The following COL18A1 variants were observed in gnomAD, a reference collection of about 807,000 sequenced individuals.
COL18A1 encodes collagen type XVIII alpha 1 chain.
A neutral mutation model predicts 168.0 loss-of-function variants in COL18A1; 133 were observed. The observed-to-expected ratio is 0.79, with a 90% CI of 0.69 to 0.91. The LOEUF (loss-of-function observed/expected upper bound fraction) is 0.91. Ranked by LOEUF, COL18A1 falls within the 40% of genes least tolerant of loss-of-function variation. The pLI, the probability that COL18A1 is intolerant of heterozygous loss-of-function variation, is 0.00. For synonymous variants in COL18A1, 949 were observed against 809.0 expected, an observed-to-expected ratio of 1.17 and a Z score of -2.94; for missense variants, 2,126 against 1,925.4, an observed-to-expected ratio of 1.10 and a Z score of -1.95.
At chr21:45,453,157 G>T (rs1253967868) in intron 2 of COL18A1, among the ~76,000 whole-genome samples, 1 of 151,854 alleles carries the variant, frequency 6.6e-6, no homozygotes, top group Non-Finnish European at 1.5e-5. Context: ...TGTGACATGT[G>T]TGAGCATGTA....
At position 45,409,064 on chromosome 21, in the gene COL18A1, C is replaced by T. The variant is rs369506111; in HGVS notation, c.106+3591C>T. 1.3e-3 allele frequency among the ~76,000 whole-genome samples: 48 copies of T among 35,976 alleles called. 2 individuals are homozygous for T. Among genetic ancestry groups the T allele is most frequent in the Middle Eastern group, 0.019 (1 of 52 alleles). 23.6% of individuals were successfully genotyped at this position (35,976 alleles called of 152,430 possible). Reference sequence around the variant, plus strand: ...TGTGGCTGTGTCTGGAGGGGCTGGCCATGGCCCTCACCCCACCCCCGGCAT... The same window carrying T: ...TGTGGCTGTGTCTGGAGGGGCTGGCTATGGCCCTCACCCCACCCCCGGCAT... On this transcript the variant is annotated intron_variant, in intron 2 of 41. Coordinates refer to ENST00000651438, the MANE Select transcript of COL18A1 (RefSeq NM_001379500.1).
At chr21:45,439,867 G>A (rs977664586) in intron 2 of COL18A1, among the ~76,000 whole-genome samples, 5 of 152,250 alleles carry the variant, frequency 3.3e-5, no homozygotes, top group East Asian at 1.9e-4. Flanking sequence ...TACAGTCTCC[G>A]GCTGTGAATG....
chr21:45,495,103 G>A, intron 28 of COL18A1, 188 bp downstream of exon 28: 1 of 659,878 alleles, frequency 1.5e-6, no homozygotes, highest in Non-Finnish European at 2.7e-6. Context: ...CCCACGAGGG[G>A]CCAGTACCCA....
intron 33 of COL18A1, 76 bp downstream of exon 33, chr21:45,504,130 G>A (rs568117850): frequency 5.3e-5 from 80 of 1,505,952 alleles, no homozygotes; most frequent in East Asian, 2.0e-4. Flanking sequence ...CCAATTTCTC[G>A]CCCCATCCGG....
intron 2 of COL18A1, among the ~76,000 whole-genome samples, chr21:45,414,628 G>A (rs931933339): frequency 6.6e-6 from 1 of 152,230 alleles, no homozygotes; most frequent in Admixed American, 6.5e-5. Context: ...CGGGCATGTG[G>A]CCTGAGGGCC....
intron 3 of COL18A1, among the ~76,000 whole-genome samples, chr21:45,470,385 A>G (rs2035366031): frequency 1.4e-5 from 2 of 139,264 alleles, no homozygotes; most frequent in Non-Finnish European, 3.1e-5. Context: ...TGCATGCTGC[A>G]GATTTTATTT....
chr21:45,444,539 T>C (rs2034464072), intron 2 of COL18A1, among the ~76,000 whole-genome samples: 1 of 152,218 alleles, frequency 6.6e-6, no homozygotes, highest in African/African-American at 2.4e-5. Flanking sequence ...TGGAGGGTGG[T>C]TCCACAGTGC....
chr21:45,439,998 C>T (rs1206572946), intron 2 of COL18A1, among the ~76,000 whole-genome samples: 6 of 152,256 alleles, frequency 3.9e-5, no homozygotes, highest in African/African-American at 1.4e-4. Flanking sequence ...CCTCCCACCC[C>T]TTCTGTGGGG....
intron 2 of COL18A1, among the ~76,000 whole-genome samples, chr21:45,432,022 C>A (rs531109311): frequency 6.6e-6 from 1 of 152,324 alleles, no homozygotes; most frequent in South Asian, 2.1e-4. Flanking sequence ...CATGGAGACC[C>A]TCCCACAGCT....
At chr21:45,493,404 C>G (rs1029963707) in intron 25 of COL18A1, 97 bp from the exon 26 acceptor site, 2 of 1,319,222 alleles carry the variant, frequency 1.5e-6, no homozygotes, top group Non-Finnish European at 2.1e-6. Flanking sequence ...ACCCAGCCTG[C>G]GAGGCCCAGT....
intron 39 of COL18A1, 43 bp from the exon 40 acceptor site, chr21:45,510,021 G>A (rs752899480): frequency 2.0e-5 from 30 of 1,533,248 alleles, no homozygotes; most frequent in Admixed American, 9.8e-5. Flanking sequence ...GGGTGCAGGG[G>A]GCAGCGTGGG....
chr21:45,460,946 C>G lies in COL18A1; in HGVS notation c.107-7296C>G, dbSNP rs541059007. 1.9e-3 allele frequency among the ~76,000 whole-genome samples: 284 copies of G among 152,286 alleles called. 2 individuals are homozygous for G. Among genetic ancestry groups the G allele is most frequent in the African/African-American group, 6.3e-3 (260 of 41,552 alleles). ...AACTAAGCACAGACAGAATGAAAAGCACAGCACTCCAAACAGGGCTTCCTG... is the reference window on the plus strand; with the variant it reads ...AACTAAGCACAGACAGAATGAAAAGGACAGCACTCCAAACAGGGCTTCCTG... On this transcript the variant is annotated intron_variant, in intron 2 of 41. Coordinates refer to ENST00000651438, the MANE Select transcript of COL18A1 (RefSeq NM_001379500.1).
intron 2 of COL18A1, among the ~76,000 whole-genome samples, chr21:45,441,769 C>T (rs1436605586): frequency 6.6e-6 from 1 of 152,260 alleles, no homozygotes; most frequent in East Asian, 1.9e-4. Context: ...CTCAGACGCC[C>T]ACCTCTGATA....
chr21:45,418,951 G>C (rs1257176616), intron 2 of COL18A1, among the ~76,000 whole-genome samples: 1 of 152,238 alleles, frequency 6.6e-6, no homozygotes, highest in Non-Finnish European at 1.5e-5. Context: ...CCATGGGGCA[G>C]ACAGTGCCAT....
chr21:45,434,321 C>T (rs139160226), intron 2 of COL18A1, among the ~76,000 whole-genome samples: 29 of 152,270 alleles, frequency 1.9e-4, no homozygotes, highest in Non-Finnish European at 3.5e-4. Context: ...CGTGCTGGGA[C>T]GGGCGCAGGA....
intron 39 of COL18A1, 47 bp from the exon 40 acceptor site, chr21:45,510,017 A>AG (rs1228914060): frequency 2.6e-6 from 4 of 1,529,556 alleles, no homozygotes; most frequent in African/African-American, 1.4e-5. Context: ...GCCTGGGTGC[A>AG]GGGGGCAGCG....
intron 37 of COL18A1, chr21:45,506,711 C>T (rs2037221541): frequency 1.2e-5 from 2 of 163,784 alleles, no homozygotes; most frequent in South Asian, 3.1e-4. Context: ...ACTCCTGGAG[C>T]CCTCCCACCT....
At chr21:45,477,244 G>A (rs1489684372) in intron 6 of COL18A1, among the ~76,000 whole-genome samples, 167 bp from the exon 7 acceptor site, 1 of 152,134 alleles carries the variant, frequency 6.6e-6, no homozygotes, top group Admixed American at 6.5e-5. Flanking sequence ...GCCTTTGCCT[G>A]GGAGCTGGAG....
In COL18A1 at chr21:45,452,346, C is replaced by T. The variant is rs2034639792; in HGVS notation, c.107-15896C>T. 2.0e-5 allele frequency among the ~76,000 whole-genome samples: 3 copies of T among 149,118 alleles called. No individual in the cohort carries two copies. In the South Asian group the frequency reaches 6.3e-4, roughly 31 times the overall value. ...CATGGCAGAGCTGAGCATGCATATG[C>T]ACTCTGTGACATGTGTAAGCATGTA... On this transcript the variant is annotated intron_variant, in intron 2 of 41. Transcript: ENST00000651438.
Sources: gnomAD v4.1 joint callset for allele counts (sites outside exome capture counted in the v4.1 genomes callset) on GRCh38, gnomAD v4.1.1 for gene constraint, MANE v1.5 for transcripts, NCBI Gene and HGNC (gene_info 2026-07-23, HGNC 2026-07-21) for gene names.